The following COL17A1 variants were observed in gnomAD, a reference collection of about 807,000 sequenced individuals.
COL17A1 encodes collagen type XVII alpha 1 chain, also known as collagen alpha-1(XVII) chain.
Under a neutral mutation model 218.4 loss-of-function variants are expected in COL17A1, and 181 were observed. The ratio of observed to expected loss-of-function variants is 0.83; its 90% CI spans 0.73 to 0.94. The LOEUF (loss-of-function observed/expected upper bound fraction) is 0.94, where lower values mean the gene tolerates loss of function less well. Ranked by LOEUF, COL17A1 falls within the 40% of genes least tolerant of loss-of-function variation. The pLI is 0.00. For missense variants in COL17A1, 1,924 were observed against 1,945.9 expected (o/e 0.99, Z 0.21); for synonymous variants, 721 against 731.0 (o/e 0.99, Z 0.22).
intron 24 of COL17A1, among the ~76,000 whole-genome samples, 171 bp downstream of exon 24, chr10:104,051,984 C>T (rs1408851829): frequency 6.6e-6 from 1 of 152,136 alleles, no homozygotes; most frequent in Non-Finnish European, 1.5e-5. Context: ...TCTTGACTCC[C>T]CAGGGACTGC....
chr10:104,056,052 C>T lies in COL17A1; in HGVS notation c.1466-49G>A, dbSNP rs749962734. The T allele has an allele frequency of 3.1e-6, 5 of 1,602,416 alleles. 1 individual carries two copies. The South Asian group carries it at 4.4e-5, about 14-fold the overall frequency. On this transcript the variant is annotated intron_variant, in intron 17 of 55. Coordinates refer to ENST00000648076, the MANE Select transcript of COL17A1 (RefSeq NM_000494.4). ...CGTCACTGAGGGCCCGGTCCTTCGC[C>T]TTCCATACACTCGCTCCTAGTGGAG...
In COL17A1 at chr10:104,037,027, C is replaced by A. The variant is rs1451612084; in HGVS notation, c.3277+18G>T. 5 of 1,596,584 alleles carry A rather than the reference C, an allele frequency of 3.1e-6. No homozygotes were observed. The highest frequency in any genetic ancestry group is 1.1e-5 in the South Asian group (1 of 87,972). On this transcript the variant is annotated intron_variant, in intron 47 of 55. Coordinates refer to ENST00000648076, the MANE Select transcript of COL17A1 (RefSeq NM_000494.4). ...AGCAAAGATAGTCCCACCCTCGATC[C>A]CCCCACAGGTGACTCACGCTGCAGC... is the stretch of plus-strand genomic sequence containing the variant.
At chr10:104,038,034 A>C (rs1031978121) in intron 45 of COL17A1, among the ~76,000 whole-genome samples, 1 of 152,222 alleles carries the variant, frequency 6.6e-6, no homozygotes, top group African/African-American at 2.4e-5. Context: ...CCCATTTGAC[A>C]AATGAGCACA....
rs112689627 is a variant in COL17A1 at position 104,071,956 on chromosome 10, GCA to G, written c.463+74_463+75del. ...TGCATGCATGCACACACACACGCAT[GCA>G]CACACACACACACACACAGCACTAG... On this transcript the variant is annotated intron_variant, in intron 8 of 55. Coordinates refer to ENST00000648076, the MANE Select transcript of COL17A1 (RefSeq NM_000494.4). 55,813 of 948,090 alleles carry G rather than the reference GCA, an allele frequency of 0.059. 11 individuals are homozygous for G. The highest frequency in any genetic ancestry group is 0.086 in the South Asian group (3,441 of 39,840). The allele number at this position is 948,090 out of a possible 1,614,324, so 58.7% of individuals were successfully genotyped here.
chr10:104,079,385 A>T (rs938375766), intron 2 of COL17A1, among the ~76,000 whole-genome samples: 1 of 151,966 alleles, frequency 6.6e-6, no homozygotes, highest in Non-Finnish European at 1.5e-5. Context: ...GTATGTGTGC[A>T]TGTATGTGTG....
intron 10 of COL17A1, among the ~76,000 whole-genome samples, chr10:104,064,234 T>C (rs2086606733): frequency 6.6e-6 from 1 of 152,222 alleles, no homozygotes; most frequent in Non-Finnish European, 1.5e-5. Context: ...CCGTGCTATA[T>C]ATTCTAAAGG....
At chr10:104,078,467 C>T in intron 3 of COL17A1, 75 bp downstream of exon 3, 1 of 1,602,668 alleles carries the variant, frequency 6.2e-7, no homozygotes, top group Non-Finnish European at 8.5e-7. Context: ...TTGGAGCTCC[C>T]ATGGAAAAGG....
Position 104,059,619 on chromosome 10 carries a change from C to T in COL17A1, c.1222+19G>A. ...GCCTGGCTGAAGTCAAGGTGGACAA[C>T]AATCATATTTGTTCTTACCATTAGC... is the stretch of plus-strand genomic sequence containing the variant. On this transcript the variant is annotated intron_variant, in intron 15 of 55. Transcript: ENST00000648076. 1 of 1,609,694 alleles carries T rather than the reference C, an allele frequency of 6.2e-7. No individual in the cohort carries two copies. Among genetic ancestry groups the T allele is most frequent in the Non-Finnish European group, 8.5e-7 (1 of 1,175,932 alleles).
At chr10:104,066,366 CA>C (rs948707889) in intron 9 of COL17A1, among the ~76,000 whole-genome samples, 1 of 151,988 alleles carries the variant, frequency 6.6e-6, no homozygotes, top group Non-Finnish European at 1.5e-5. Flanking sequence ...CAAGGAAAAG[CA>C]AAAAATGATA....
rs1012298024 is a variant in COL17A1 at position 104,059,808 on chromosome 10, G to C, written c.1142-90C>G. ...TCCCCCCGCCCTTGCCCACTACCCTGCTTGGGAAGGTCTAGGTTAGACTGG... is the reference window on the plus strand; with the variant it reads ...TCCCCCCGCCCTTGCCCACTACCCTCCTTGGGAAGGTCTAGGTTAGACTGG... On this transcript the variant is annotated intron_variant, in intron 14 of 55. Transcript: ENST00000648076. 8.2e-6 allele frequency: 11 copies of C among 1,335,234 alleles called. No individual in the cohort carries two copies. The African/African-American group carries it at 1.4e-4, about 17-fold the overall frequency. The allele number at this position is 1,335,234 out of a possible 1,614,324, so 82.7% of individuals were successfully genotyped here.
rs375875610 is a variant in COL17A1 at position 104,033,945 on chromosome 10, G to C, written c.4156C>G (p.Arg1386Gly). Residue 1386 changes from arginine (R) to glycine (G), a missense_variant and splice_region_variant, in exon 52 of 56, where the codon CGT becomes GGT. Physicochemically the swap from Arg to Gly is moderately radical, Grantham distance 125 (BLOSUM62 -2). Transcript: ENST00000648076. Reference sequence around the variant, plus strand: ...CCAAGGCCTAAATGTCCCCACTTACGCTGCATGCTCTCTGACACCCTCACA... The same window carrying C: ...CCAAGGCCTAAATGTCCCCACTTACCCTGCATGCTCTCTGACACCCTCACA... ...LAVRVSESMQRQGLLQGMAYT... is the reference protein window; with the variant it reads ...LAVRVSESMQGQGLLQGMAYT... The C allele has an allele frequency of 7.4e-6, 12 of 1,613,972 alleles. No individual in the cohort carries two copies. The African/African-American group carries it at 1.5e-4, about 20-fold the overall frequency.
At chr10:104,070,277 A>T (rs2086658564) in intron 9 of COL17A1, 149 bp downstream of exon 9, 5 of 1,502,356 alleles carry the variant, frequency 3.3e-6, no homozygotes. Flanking sequence ...GCTATTAGGG[A>T]AAGCCCTGTG....
chr10:104,053,771 C>T (rs1228776340), intron 22 of COL17A1, 149 bp downstream of exon 22: 2 of 698,172 alleles, frequency 2.9e-6, no homozygotes, highest in Admixed American at 2.0e-5. Flanking sequence ...CAAATCTCAG[C>T]TCCACAACAG....
chr10:104,063,017 T>C lies in COL17A1; in HGVS notation c.839-688A>G, dbSNP rs2086596298. On this transcript the variant is annotated intron_variant, in intron 11 of 55. Transcript: ENST00000648076. The stretch of plus-strand genomic sequence containing the variant: ...TAGCAAAGGCAGAAGAAATAAAACA[T>C]GTAGCCAATGTCTTCTGGATTTGGT... Among the ~76,000 whole-genome samples, 2 of 152,228 alleles carry C rather than the reference T, an allele frequency of 1.3e-5. 1 individual carries two copies. The highest frequency in any genetic ancestry group is 4.1e-4 in the South Asian group (2 of 4,836).
rs1564678886 is a variant in COL17A1 at position 104,054,964 on chromosome 10, G to A, written c.1744+17C>T. 12 of 1,614,076 alleles carry A rather than the reference G, an allele frequency of 7.4e-6. No individual in the cohort carries two copies. The highest frequency in any genetic ancestry group is 2.2e-5 in the East Asian group (1 of 44,884). The stretch of plus-strand genomic sequence containing the variant: ...ACTTGCTAATATTTAAGGTAAAAAT[G>A]CCCATGTTATAATTACCTTTAGGGC... On this transcript the variant is annotated intron_variant, in intron 20 of 55. Coordinates refer to ENST00000648076, the MANE Select transcript of COL17A1 (RefSeq NM_000494.4).
chr10:104,071,449 A>G (rs1040788031), intron 8 of COL17A1, among the ~76,000 whole-genome samples: 4 of 152,162 alleles, frequency 2.6e-5, no homozygotes, highest in African/African-American at 9.7e-5. Flanking sequence ...TCATTTCAAA[A>G]CGTTGTTAAA....
At chr10:104,034,470 G>A in intron 51 of COL17A1, 136 bp from the exon 52 acceptor site, 1 of 1,478,774 alleles carries the variant, frequency 6.8e-7, no homozygotes, top group Non-Finnish European at 9.1e-7. Context: ...GTACCCGAGT[G>A]GGAGAATTTT....
chr10:104,055,571 T>C (rs773362898), intron 18 of COL17A1, among the ~76,000 whole-genome samples, 170 bp from the exon 19 acceptor site: 7 of 151,970 alleles, frequency 4.6e-5, no homozygotes, highest in Non-Finnish European at 7.4e-5. Context: ...TCTTGAGCAA[T>C]TATTCTTTCC....
chr10:104,055,046 A>G (rs2086506700), intron 19 of COL17A1, 39 bp from the exon 20 acceptor site: 1 of 1,613,574 alleles, frequency 6.2e-7, no homozygotes, highest in Non-Finnish European at 8.5e-7. Flanking sequence ...AGATGGGGCA[A>G]GAACCCAAAG....
Sources: allele counts gnomAD v4.1 joint callset (sites outside exome capture counted in the v4.1 genomes callset), GRCh38; gene constraint gnomAD v4.1.1; transcripts MANE v1.5; gene names NCBI Gene and HGNC (gene_info 2026-07-23, HGNC 2026-07-21).